The following DPP6 variants were observed in gnomAD, a reference collection of about 807,000 sequenced individuals.
DPP6 encodes the protein dipeptidyl peptidase like 6, also known as A-type potassium channel modulatory protein DPP6.
A neutral mutation model predicts 122.6 loss-of-function variants in DPP6; 69 were observed. The observed-to-expected ratio is 0.56, with a 90% CI of 0.46 to 0.69. DPP6 has a LOEUF of 0.69. Among genes scored for constraint, DPP6 ranks in the 30% least tolerant of loss-of-function variants. The pLI is 0.00. For missense variants in DPP6, 928 were observed against 1,116.9 expected (o/e 0.83, Z 2.41); for synonymous variants, 418 against 433.1 (o/e 0.97, Z 0.43).
At chr7:154,046,096 C>T (rs1238204588) in intron 1 of DPP6, among the ~76,000 whole-genome samples, 5 of 152,214 alleles carry the variant, frequency 3.3e-5, no homozygotes, top group African/African-American at 4.8e-5. Flanking sequence ...ACACTGGGCT[C>T]GGCTAAGAGA....
upstream of DPP6, among the ~76,000 whole-genome samples, chr7:153,886,901 A>G (rs1258970667): frequency 2.0e-5 from 3 of 151,922 alleles, no homozygotes; most frequent in South Asian, 4.1e-4. Context: ...CCGGCTGCGG[A>G]CGGCGGCTCC....
the DPP6 span, among the ~76,000 whole-genome samples, chr7:153,856,235 G>A: frequency 3.6e-4 from 55 of 152,300 alleles, no homozygotes; most frequent in African/African-American, 1.3e-3. Context: ...CTACCACAGA[G>A]CTAGGGGTAC....
chr7:154,801,391 T>C lies in DPP6; in HGVS notation c.1336T>C (p.Phe446Leu), dbSNP rs1798357014. ...EPVFSKDGRK[F>L]FFIRAIPQGG... ...TGTGTTCTCCAAGGATGGCCGAAAG[T>C]TTTTCTTCATCAGAGCCATCCCCCA... Residue 446 changes from phenylalanine (F) to leucine (L), a missense_variant, in exon 13 of 26, where the codon TTT (phenylalanine) becomes CTT (leucine). Transcript: ENST00000377770. The C allele has an allele frequency of 6.3e-7, 1 of 1,596,972 alleles. No homozygotes were observed. Among genetic ancestry groups the C allele is most frequent in the African/African-American group, 1.3e-5 (1 of 74,678 alleles).
At chr7:153,763,377 G>GAA in the DPP6 span, among the ~76,000 whole-genome samples, 9,813 of 128,666 alleles carry the variant, frequency 0.076, 567 homozygotes, top group African/African-American at 0.14. Flanking sequence ...GTACAAGTAA[G>GAA]AAAAAAAAAA....
At position 154,203,140 on chromosome 7, in the gene DPP6, G is replaced by A. The variant is rs574451207; in HGVS notation, c.243+150077G>A. Among the ~76,000 whole-genome samples, 4 of 152,262 alleles carry A rather than the reference G, an allele frequency of 2.6e-5. No individual in the cohort carries two copies. The East Asian group carries it at 5.8e-4, about 22-fold the overall frequency. ...AATAAAAATCATAACAATACATTTT[G>A]GAGAGTATTAAATACGGAAATGAGC... On this transcript the variant is annotated intron_variant, in intron 1 of 25. Transcript: ENST00000377770.
intron 16 of DPP6, among the ~76,000 whole-genome samples, chr7:154,852,698 C>G (rs1802507747): frequency 6.6e-6 from 1 of 152,176 alleles, no homozygotes; most frequent in Non-Finnish European, 1.5e-5. Context: ...CATCCTAGTG[C>G]AGTAGATGAG....
chr7:154,782,062 A>C (rs1797060839), intron 10 of DPP6, among the ~76,000 whole-genome samples: 1 of 152,190 alleles, frequency 6.6e-6, no homozygotes. Flanking sequence ...GTGCCATTGC[A>C]TGTGCTCCCC....
chr7:154,596,061 A>G (rs73165020), intron 5 of DPP6, among the ~76,000 whole-genome samples: 4,942 of 152,308 alleles, frequency 0.032, 132 homozygotes, highest in Middle Eastern at 0.082. Flanking sequence ...CGCCATCTCA[A>G]AAAAAGAAAG....
Position 154,275,591 on chromosome 7 carries a change from T to C in DPP6, c.244-170623T>C, listed in dbSNP as rs147999603. Among the ~76,000 whole-genome samples the C allele has an allele frequency of 7.5e-3, 1,148 of 152,312 alleles. 22 individuals are homozygous for C. The highest frequency in any genetic ancestry group is 0.025 in the African/African-American group (1,031 of 41,560). On this transcript the variant is annotated intron_variant, in intron 1 of 25. Transcript: ENST00000377770. ...AAATGATTTCAGACCAGATTTACAA[T>C]GGCTTGCTCTTTAAAAATTGAAGAA...
chr7:154,154,827 CT>C (rs1205672847), intron 1 of DPP6, among the ~76,000 whole-genome samples: 5 of 152,206 alleles, frequency 3.3e-5, no homozygotes, highest in African/African-American at 1.2e-4. Context: ...TCAGGATCTC[CT>C]TTGAAGGAGT....
chr7:154,206,737 G>A (rs1242828829), intron 1 of DPP6, among the ~76,000 whole-genome samples: 3 of 152,230 alleles, frequency 2.0e-5, no homozygotes, highest in African/African-American at 4.8e-5. Flanking sequence ...TAGAGCGATG[G>A]AAATGTTTTG....
chr7:154,733,430 C>T (rs145983975), intron 8 of DPP6, among the ~76,000 whole-genome samples: 38 of 152,326 alleles, frequency 2.5e-4, no homozygotes, highest in Admixed American at 1.3e-3. Flanking sequence ...GCAAGGCCAG[C>T]GTGAGGCAAG....
At chr7:154,023,701 C>T (rs570172370) in intron 1 of DPP6, among the ~76,000 whole-genome samples, 69 of 152,100 alleles carry the variant, frequency 4.5e-4, no homozygotes, top group Non-Finnish European at 8.1e-4. Flanking sequence ...AGGCTGGTCT[C>T]GAACTCCTGA....
At chr7:154,675,064 C>T (rs774610825) in intron 7 of DPP6, among the ~76,000 whole-genome samples, 4 of 152,114 alleles carry the variant, frequency 2.6e-5, no homozygotes. Flanking sequence ...CACAGAAGGT[C>T]ACAGAATAGT....
chr7:154,265,684 A>C (rs971318506), intron 1 of DPP6, among the ~76,000 whole-genome samples: 1 of 152,248 alleles, frequency 6.6e-6, no homozygotes, highest in Non-Finnish European at 1.5e-5. Flanking sequence ...GTTTTGGTCA[A>C]AGAATTTTCT....
At chr7:154,017,728 A>T (rs1230081613) in intron 1 of DPP6, among the ~76,000 whole-genome samples, 9 of 92,458 alleles carry the variant, frequency 9.7e-5, no homozygotes, top group South Asian at 3.8e-4. Flanking sequence ...ATAAAAAAAT[A>T]AAAAAAAAAA....
At chr7:153,827,970 C>T in the DPP6 span, among the ~76,000 whole-genome samples, 1 of 152,170 alleles carries the variant, frequency 6.6e-6, no homozygotes, top group African/African-American at 2.4e-5. Flanking sequence ...ATAACGAGGC[C>T]CCTGCCCTAG....
chr7:154,321,192 G>A (rs1366228774), intron 1 of DPP6, among the ~76,000 whole-genome samples: 2 of 151,812 alleles, frequency 1.3e-5, no homozygotes, highest in Non-Finnish European at 2.9e-5. Flanking sequence ...TGGGAGGATC[G>A]CTTAAGCCCA....
Position 154,511,106 on chromosome 7 carries a change from CT to C in DPP6, c.458-29423del, listed in dbSNP as rs572250934. On this transcript the variant is annotated intron_variant, in intron 3 of 25. Coordinates refer to ENST00000377770, the MANE Select transcript of DPP6 (RefSeq NM_130797.4). ...AATTGAAAAGGAAAATTCGATATCA[CT>C]TTCTTAGGAAGGGAGGGAAGATTGT... Among the ~76,000 whole-genome samples, 974 of 152,240 alleles carry C rather than the reference CT, an allele frequency of 6.4e-3. 10 individuals are homozygous for C. The highest frequency in any genetic ancestry group is 0.022 in the African/African-American group (900 of 41,540).
Sources: allele counts gnomAD v4.1 joint callset (sites outside exome capture counted in the v4.1 genomes callset), GRCh38; gene constraint gnomAD v4.1.1; transcripts MANE v1.5; gene names NCBI Gene and HGNC (gene_info 2026-07-23, HGNC 2026-07-21).